The following TSPOAP1 variants were observed in gnomAD, a reference collection of about 807,000 sequenced individuals.
The protein encoded by TSPOAP1 is TSPO associated protein 1, also known as peripheral-type benzodiazepine receptor-associated protein 1.
In TSPOAP1, 87 loss-of-function variants were observed where a neutral mutation model predicts 197.0. The observed-to-expected ratio is 0.44, with a 90% CI of 0.37 to 0.53. The LOEUF is 0.53. TSPOAP1 is among the 20% of genes least tolerant of loss of function. The pLI is 0.00. For synonymous variants in TSPOAP1, 913 were observed against 998.9 expected (o/e 0.91, Z 1.62); for missense variants, 2,174 against 2,411.3 (o/e 0.90, Z 2.06).
At chr17:58,310,807 A>C (rs1324654028) in intron 19 of TSPOAP1, 29 bp downstream of exon 19, 1 of 1,583,336 alleles carries the variant, frequency 6.3e-7, no homozygotes, top group South Asian at 1.1e-5. Context: ...GCCAGCCTGC[A>C]CCTGCTCCCC....
rs1211772109 is a variant in TSPOAP1, at chr17:58,306,299, AC to A, written c.5224+42del. The A allele has an allele frequency of 5.9e-6, 9 of 1,525,126 alleles. No homozygotes were observed. The South Asian group carries it at 1.1e-4, about 18-fold the overall frequency. The allele number at this position is 1,525,126 out of a possible 1,614,324, so 94.5% of individuals were successfully genotyped here. ...GCCAAGCAGCGCCACCCCACCGCACACACATCCTCCCAGCACCTGAGAGAGA... is the reference window on the plus strand; with the variant it reads ...GCCAAGCAGCGCCACCCCACCGCACAACATCCTCCCAGCACCTGAGAGAGA... On this transcript the variant is annotated intron_variant, in intron 26 of 31. Transcript: ENST00000343736.
Position 58,312,050 on chromosome 17 carries a change from C to G in TSPOAP1, c.2771G>C (p.Ser924Thr). 1 of 1,613,512 alleles carries G rather than the reference C, an allele frequency of 6.2e-7. No homozygotes were observed. The highest frequency in any genetic ancestry group is 8.5e-7 in the Non-Finnish European group (1 of 1,179,944). ...GAAGGTGGCCCAGTAGGTACTGGGGCTGGCAGGTGGGCACTCTTCCCCATT... is the reference window on the plus strand; with the variant it reads ...GAAGGTGGCCCAGTAGGTACTGGGGGTGGCAGGTGGGCACTCTTCCCCATT... ...YLNGEECPPA[S>T]PSTYWATFCH... The change falls in exon 17 of 32, where the codon AGC (serine) becomes ACC (threonine). Residue 924 changes from serine (S) to threonine (T), a missense_variant. Ser to Thr is a moderately conservative substitution (Grantham distance 58). This residue lies in a region of TSPOAP1 where 1,933 missense variants were observed against 2,139.0 expected (regional missense o/e 0.90). Transcript: ENST00000343736.
chr17:58,327,442 A>T (rs944659295), intron 1 of TSPOAP1, 146 bp downstream of exon 1: 1 of 730,146 alleles, frequency 1.4e-6, no homozygotes, highest in Non-Finnish European at 2.2e-6. Flanking sequence ...GAGAGGACAG[A>T]TAGCCACAGA....
intron 6 of TSPOAP1, 24 bp from the exon 7 acceptor site, chr17:58,323,405 C>G (rs2143124868): frequency 6.2e-7 from 1 of 1,614,242 alleles, no homozygotes; most frequent in African/African-American, 1.3e-5. Context: ...ACCAAGTGCT[C>G]CTCATGAGGG....
rs562880529 is a variant in TSPOAP1, at chr17:58,326,595, T to G, written c.441+88A>C. The G allele has an allele frequency of 1.1e-4, 172 of 1,545,444 alleles. No homozygotes were observed. In the Middle Eastern group the frequency reaches 2.6e-3, roughly 23 times the overall value. On this transcript the variant is annotated intron_variant, in intron 2 of 31. Coordinates refer to ENST00000343736, the MANE Select transcript of TSPOAP1 (RefSeq NM_004758.4). The surrounding 1 kb of genome is among the most constrained non-coding windows in gnomAD (Gnocchi z 4.7). ...TTTGTCACCTCCATTGAGCCCCCAC[T>G]TGGAAAGATGTTCATGGGGTGAGGA...
At chr17:58,321,936 A>G (rs191301408) in intron 10 of TSPOAP1, 2 of 216,530 alleles carry the variant, frequency 9.2e-6, no homozygotes, top group East Asian at 2.2e-4. Flanking sequence ...GCTGTATTCT[A>G]GCCACATTGG....
At chr17:58,320,645 C>T in intron 10 of TSPOAP1, 64 bp from the exon 11 acceptor site, 1 of 1,261,598 alleles carries the variant, frequency 7.9e-7, no homozygotes, top group Non-Finnish European at 1.0e-6. Context: ...GTAGAGAGGG[C>T]TGCGAGGGAG....
chr17:58,326,800 G>T lies in TSPOAP1; in HGVS notation c.334-10C>A. ...TCATATTCAGCTTGGCCTGGCATGG[G>T]AAAGGACCGAGGACAGCACCTCAGA... On this transcript the variant is annotated splice_polypyrimidine_tract_variant and intron_variant, in intron 1 of 31. Transcript: ENST00000343736. This position sits in a 1 kb window ranked among gnomAD's most constrained non-coding sequence, Gnocchi z 4.7. The T allele has an allele frequency of 6.2e-7, 1 of 1,613,250 alleles. No individual in the cohort carries two copies. The highest frequency in any genetic ancestry group is 1.1e-5 in the South Asian group (1 of 91,064).
chr17:58,316,366 C>G, intron 15 of TSPOAP1, 59 bp downstream of exon 15: 1 of 1,474,350 alleles, frequency 6.8e-7, no homozygotes, highest in Non-Finnish European at 9.3e-7. Context: ...CCACCCGGCC[C>G]CCTCCTATAC....
At chr17:58,305,331 CT>C (rs1380349436) in intron 29 of TSPOAP1, 55 bp downstream of exon 29, 8 of 1,597,094 alleles carry the variant, frequency 5.0e-6, no homozygotes, top group African/African-American at 4.0e-5. Flanking sequence ...GCCTATCCCC[CT>C]GTCCGAAGTC....
chr17:58,322,927 C>G lies in TSPOAP1; in HGVS notation c.1194+23G>C, dbSNP rs756071290. On this transcript the variant is annotated intron_variant, in intron 8 of 31. Transcript: ENST00000343736. The surrounding 1 kb of genome is among the most constrained non-coding windows in gnomAD (Gnocchi z 5.0). ...GCAGTGGTGGGAGCACAGGTCTCCA[C>G]AGCACCTGGGCGGAAGTGGTACCTG... 3 of 1,606,220 alleles carry G rather than the reference C, an allele frequency of 1.9e-6. No homozygotes were observed. Among genetic ancestry groups the G allele is most frequent in the Non-Finnish European group, 2.6e-6 (3 of 1,176,288 alleles).
chr17:58,322,024 C>A lies in TSPOAP1; in HGVS notation c.1422+284G>T. 2.4e-6 allele frequency: 1 copy of A among 413,278 alleles called. No individual in the cohort carries two copies. Among genetic ancestry groups the A allele is most frequent in the Non-Finnish European group, 4.3e-6 (1 of 230,268 alleles). The allele number at this position is 413,278 out of a possible 1,614,324, so 25.6% of individuals were successfully genotyped here. ...TCCTGGCTGGCAAGGTCAATTGTCACCTCCTCAGGGAGGCCTTCCCTGATG... is the reference window on the plus strand; with the variant it reads ...TCCTGGCTGGCAAGGTCAATTGTCAACTCCTCAGGGAGGCCTTCCCTGATG... On this transcript the variant is annotated intron_variant, in intron 10 of 31. Coordinates refer to ENST00000343736, the MANE Select transcript of TSPOAP1 (RefSeq NM_004758.4). The surrounding 1 kb of genome is among the most constrained non-coding windows in gnomAD (Gnocchi z 5.0).
In TSPOAP1 at chr17:58,311,570, C is replaced by G. The variant is rs766397077; in HGVS notation, c.3081+1G>C. The G allele has an allele frequency of 6.4e-7, 1 of 1,571,692 alleles. No individual in the cohort carries two copies. The highest frequency in any genetic ancestry group is 8.7e-7 in the Non-Finnish European group (1 of 1,154,414). ...CCAGGGTACAGTGGGCAGGGCTATACCTTCTGCCCATCAGCGTAGATGGCA... is the reference window on the plus strand; with the variant it reads ...CCAGGGTACAGTGGGCAGGGCTATAGCTTCTGCCCATCAGCGTAGATGGCA... On this transcript the variant is annotated splice_donor_variant, in intron 18 of 31. Coordinates refer to ENST00000343736, the MANE Select transcript of TSPOAP1 (RefSeq NM_004758.4). LOFTEE classifies it high-confidence loss of function.
At chr17:58,308,392 G>T in intron 22 of TSPOAP1, 149 bp downstream of exon 22, 1 of 1,110,822 alleles carries the variant, frequency 9.0e-7, no homozygotes, top group Non-Finnish European at 1.3e-6. Context: ...AATGTGGGTG[G>T]GAGGAGGCAG....
chr17:58,309,228 T>C lies in TSPOAP1; in HGVS notation c.4044A>G (p.Ser1348=), dbSNP rs759437475. The C allele has an allele frequency of 2.5e-6, 4 of 1,611,136 alleles. No homozygotes were observed. The highest frequency in any genetic ancestry group is 1.7e-6 in the Non-Finnish European group (2 of 1,177,542). Residue 1348 remains serine (S), a synonymous_variant, in exon 22 of 32, where the codon TCA becomes TCG. Transcript: ENST00000343736. The surrounding 1 kb of genome is among the most constrained non-coding windows in gnomAD (Gnocchi z 5.0). ...EEEEDEEEEK[S]GAGCSSRDPG... The stretch of plus-strand genomic sequence containing the variant: ...GGTCTCGGGAAGAACAGCCTGCCCC[T>C]GACTTCTCCTCCTCCTCGTCCTCCT...
chr17:58,327,199 T>A (rs531448273), intron 1 of TSPOAP1, among the ~76,000 whole-genome samples: 5 of 150,606 alleles, frequency 3.3e-5, no homozygotes, highest in African/African-American at 1.2e-4. Flanking sequence ...CTCCCCTCAA[T>A]CTACTTCCTC....
In TSPOAP1 at chr17:58,309,049, C is replaced by T; in HGVS notation, c.4223G>A (p.Gly1408Glu). The change falls in exon 22 of 32, where the codon GGA (glycine) becomes GAA (glutamate). Residue 1408 changes from glycine (G) to glutamate (E), a missense_variant. By Grantham distance (98) the Gly-to-Glu change is moderately conservative (BLOSUM62 -2). This residue lies in a region of TSPOAP1 where 1,933 missense variants were observed against 2,139.0 expected (regional missense o/e 0.90). Coordinates refer to ENST00000343736, the MANE Select transcript of TSPOAP1 (RefSeq NM_004758.4). The surrounding 1 kb of genome is among the most constrained non-coding windows in gnomAD (Gnocchi z 5.0). ...TGGGGGCTTCTCAGGGGAGCCCCCT[C>T]CTCTCCTCCGGCTGCTTCCACCAAC... ...GLVGGSSRRRGGGSPEKPPSR... is the reference protein window; with the variant it reads ...GLVGGSSRRREGGSPEKPPSR... The T allele has an allele frequency of 6.2e-7, 1 of 1,612,536 alleles. No individual in the cohort carries two copies. Among genetic ancestry groups the T allele is most frequent in the South Asian group, 1.1e-5 (1 of 91,092 alleles).
In TSPOAP1 at chr17:58,327,730, T is replaced by C. The variant is rs752344276; in HGVS notation, c.191A>G (p.Lys64Arg). 8 of 1,614,188 alleles carry C rather than the reference T, an allele frequency of 5.0e-6. No homozygotes were observed. The highest frequency in any genetic ancestry group is 1.7e-5 in the Admixed American group (1 of 60,028). The change falls in exon 1 of 32, where the codon AAA becomes AGA. Residue 64 changes from lysine to arginine, a missense_variant. Lys to Arg is a conservative substitution (Grantham distance 26). Transcript: ENST00000343736. Reference protein sequence around the residue: ...ELRSEESSKPKGDGSSRPVGG... With the variant: ...ELRSEESSKPRGDGSSRPVGG... ...CACGGGCCTGGAGCTCCCGTCTCCTTTGGGCTTGGAACTCTCCTCAGACCT... is the reference window on the plus strand; with the variant it reads ...CACGGGCCTGGAGCTCCCGTCTCCTCTGGGCTTGGAACTCTCCTCAGACCT...
rs199568361 is a variant in TSPOAP1, at chr17:58,326,432, G to A, written c.442-11C>T. Reference sequence around the variant, plus strand: ...GAAGCTGCTCTTCCTCTGACAAGGGGTCAGGCAGAATTGGGGCATGTAGGG... The same window carrying A: ...GAAGCTGCTCTTCCTCTGACAAGGGATCAGGCAGAATTGGGGCATGTAGGG... On this transcript the variant is annotated splice_polypyrimidine_tract_variant and intron_variant, in intron 2 of 31. Transcript: ENST00000343736. This position sits in a 1 kb window ranked among gnomAD's most constrained non-coding sequence, Gnocchi z 4.7. 5.6e-6 allele frequency: 9 copies of A among 1,613,086 alleles called. No individual in the cohort carries two copies. The highest frequency in any genetic ancestry group is 7.6e-6 in the Non-Finnish European group (9 of 1,179,932).
Sources: allele counts gnomAD v4.1 joint callset (sites outside exome capture counted in the v4.1 genomes callset), GRCh38; gene constraint gnomAD v4.1.1; regional missense constraint gnomAD v4.1.1; non-coding constraint Gnocchi (gnomAD v3.1); transcripts MANE v1.5; gene names NCBI Gene and HGNC (gene_info 2026-07-23, HGNC 2026-07-21).